The following PANK1 variants were observed in gnomAD, a reference collection of about 807,000 sequenced individuals.
PANK1 encodes the protein pantothenic acid kinase 1.
A neutral mutation model predicts 40.1 loss-of-function variants in PANK1; 18 were observed. That is an observed-to-expected ratio of 0.45 (90% confidence interval 0.31 to 0.67). The LOEUF is 0.67. PANK1 is among the 30% of genes least tolerant of loss of function. The probability of loss-of-function intolerance (pLI) is 0.06; values close to 1 mark genes in which losing one functional copy is unlikely to be tolerated. For missense variants in PANK1, 457 were observed against 599.6 expected (o/e 0.76, Z 2.48); for synonymous variants, 242 against 237.7 (o/e 1.02, Z -0.17).
chr10:89,591,710 CA>C, intron 5 of PANK1, among the ~76,000 whole-genome samples: 1 of 152,320 alleles, frequency 6.6e-6, no homozygotes, highest in South Asian at 2.1e-4. Context: ...AATAGTTGCT[CA>C]AACCAGTGTA....
chr10:89,601,138 A>C (rs1309029771), intron 2 of PANK1, among the ~76,000 whole-genome samples: 1 of 152,054 alleles, frequency 6.6e-6, no homozygotes, highest in Non-Finnish European at 1.5e-5. Context: ...TACTAGACTC[A>C]GATATTTTGT....
Position 89,593,339 on chromosome 10 carries a change from CGA to C in PANK1, c.1077-21_1077-20del, listed in dbSNP as rs756278922. Reference sequence around the variant, plus strand: ...GCCAAAGCTATGTTGGAAATATCAGCGAGAGTGTTCAAAATCGTCCTCAGGCA... The same window carrying C: ...GCCAAAGCTATGTTGGAAATATCAGCGAGTGTTCAAAATCGTCCTCAGGCA... On this transcript the variant is annotated intron_variant, in intron 4 of 6. Coordinates refer to ENST00000307534, the MANE Select transcript of PANK1 (RefSeq NM_148977.3). The C allele has an allele frequency of 1.6e-5, 25 of 1,611,616 alleles. No individual in the cohort carries two copies. In the South Asian group the frequency reaches 2.4e-4, roughly 16 times the overall value.
At chr10:89,604,954 T>C (rs879444632) in intron 2 of PANK1, among the ~76,000 whole-genome samples, 6 of 151,626 alleles carry the variant, frequency 4.0e-5, no homozygotes, top group Non-Finnish European at 8.8e-5. Flanking sequence ...GGTTTCACCA[T>C]GTTAGCCAGG....
intron 2 of PANK1, among the ~76,000 whole-genome samples, chr10:89,601,908 C>G (rs1844798397): frequency 6.6e-6 from 1 of 152,236 alleles, no homozygotes; most frequent in Non-Finnish European, 1.5e-5. Flanking sequence ...CCACAGCCTT[C>G]CATTGCACTT....
Position 89,599,340 on chromosome 10 carries a change from A to G in PANK1, c.811T>C (p.Tyr271His), listed in dbSNP as rs780835667. Residue 271 changes from tyrosine (Y) to histidine (H), a missense_variant, in exon 3 of 7, where the codon TAC becomes CAC. Coordinates refer to ENST00000307534, the MANE Select transcript of PANK1 (RefSeq NM_148977.3). Reference protein sequence around the residue: ...QKKPYCLDNPYPMLLVNMGSG... With the variant: ...QKKPYCLDNPHPMLLVNMGSG... ...CCCATGTTAACCAGCAACATAGGGT[A>G]TGGGTTATCAAGGCAGTACGGCTTT... 13 of 1,612,730 alleles carry G rather than the reference A, an allele frequency of 8.1e-6. No homozygotes were observed. The highest frequency in any genetic ancestry group is 1.0e-5 in the Non-Finnish European group (12 of 1,178,726).
At chr10:89,631,956 TTG>T (rs71471132) in intron 1 of PANK1, among the ~76,000 whole-genome samples, 6 of 135,484 alleles carry the variant, frequency 4.4e-5, no homozygotes, top group African/African-American at 1.0e-4. Flanking sequence ...AAATAACAGA[TTG>T]TGTGTGTGTG....
chr10:89,607,361 C>T (rs1844999126), intron 2 of PANK1, among the ~76,000 whole-genome samples: 1 of 152,192 alleles, frequency 6.6e-6, no homozygotes, highest in Non-Finnish European at 1.5e-5. Context: ...AGTTTGCCAT[C>T]TTATATGGGC....
At chr10:89,637,607 G>C (rs561136807) in intron 1 of PANK1, among the ~76,000 whole-genome samples, 4 of 152,342 alleles carry the variant, frequency 2.6e-5, no homozygotes, top group African/African-American at 9.6e-5. Flanking sequence ...GCACATACAA[G>C]AGCTTCCAGG....
intron 1 of PANK1, among the ~76,000 whole-genome samples, chr10:89,642,515 C>G (rs908403079): frequency 3.3e-5 from 5 of 152,204 alleles, no homozygotes; most frequent in African/African-American, 9.6e-5. Context: ...TTGCAAAAAT[C>G]GTTCCTGTAA....
At chr10:89,599,200 C>T (rs1299102128) in intron 3 of PANK1, 52 bp downstream of exon 3, 4 of 1,535,846 alleles carry the variant, frequency 2.6e-6, no homozygotes, top group South Asian at 1.2e-5. Context: ...TTACTATAAA[C>T]TGGTCATCAA....
At chr10:89,613,690 C>A (rs1053472025) in intron 1 of PANK1, among the ~76,000 whole-genome samples, 1 of 152,188 alleles carries the variant, frequency 6.6e-6, no homozygotes, top group Non-Finnish European at 1.5e-5. Flanking sequence ...AATTCTGCAA[C>A]CAGTGTAGGT....
intron 5 of PANK1, among the ~76,000 whole-genome samples, chr10:89,592,185 A>G (rs2038921): frequency 0.61 from 93,381 of 152,066 alleles, 29,213 homozygotes; most frequent in East Asian, 0.93. Flanking sequence ...AAAAAGGTAT[A>G]TCGCTGATCT....
downstream of PANK1, chr10:89,581,832 C>T (rs1194996801): frequency 6.6e-6 from 1 of 152,160 alleles, no homozygotes; most frequent in Admixed American, 6.5e-5. Context: ...AAATAATGCT[C>T]AAGTCAGCTT....
chr10:89,592,146 T>C (rs1844412590), intron 5 of PANK1, among the ~76,000 whole-genome samples: 1 of 152,224 alleles, frequency 6.6e-6, no homozygotes, highest in Non-Finnish European at 1.5e-5. Context: ...CAGCCTCCCA[T>C]TTAAACTCCG....
intron 5 of PANK1, among the ~76,000 whole-genome samples, chr10:89,591,324 C>T (rs750637542): frequency 6.6e-6 from 1 of 152,086 alleles, no homozygotes; most frequent in Non-Finnish European, 1.5e-5. Context: ...GACTCACTTC[C>T]TTGTGTATCC....
At chr10:89,600,408 C>A (rs938864798) in intron 2 of PANK1, among the ~76,000 whole-genome samples, 1 of 152,168 alleles carries the variant, frequency 6.6e-6, no homozygotes, top group African/African-American at 2.4e-5. Context: ...AATTCTAGCT[C>A]TAAAATTTAC....
At chr10:89,630,500 T>C (rs968874977) in intron 1 of PANK1, among the ~76,000 whole-genome samples, 2 of 65,590 alleles carry the variant, frequency 3.0e-5, no homozygotes, top group Admixed American at 1.3e-4. Flanking sequence ...AGTTTTTTTG[T>C]TTTTTTTTTT....
intron 3 of PANK1, among the ~76,000 whole-genome samples, chr10:89,595,829 AAAAAATATATATAT>A (rs1209467122): frequency 4.5e-5 from 3 of 66,690 alleles, no homozygotes; most frequent in African/African-American, 1.5e-4. Context: ...AAAAAAAAAA[AAAAAATATATATAT>A]ATATATATAT....
downstream of PANK1, chr10:89,579,570 A>G (rs976952019): frequency 1.3e-5 from 2 of 152,206 alleles, no homozygotes; most frequent in African/African-American, 4.8e-5. Context: ...AAAATTAGCT[A>G]TCAGTTTCCC....
Sources: allele counts gnomAD v4.1 joint callset (sites outside exome capture counted in the v4.1 genomes callset), GRCh38; gene constraint gnomAD v4.1.1; transcripts MANE v1.5; gene names NCBI Gene and HGNC (gene_info 2026-07-23, HGNC 2026-07-21).